COX18: variants seen among roughly 807,000 people sequenced by gnomAD.
COX18 encodes cytochrome c oxidase assembly protein COX18, mitochondrial.
A neutral mutation model predicts 38.0 loss-of-function variants in COX18; 45 were observed. That is an observed-to-expected ratio of 1.18 (90% CI 0.93 to 1.52). The LOEUF is 1.52. Ranked by LOEUF, COX18 falls within the 40% of genes most tolerant of loss-of-function variation. The pLI, the probability that COX18 is intolerant of heterozygous loss-of-function variation, is 0.00. For synonymous variants in COX18, 177 were observed against 169.8 expected (o/e 1.04, Z -0.33); for missense variants, 462 against 423.8 (o/e 1.09, Z -0.79).
chr4:73,058,983 T>C (rs1489504854), intron 5 of COX18, among the ~76,000 whole-genome samples: 1 of 152,080 alleles, frequency 6.6e-6, no homozygotes, highest in Non-Finnish European at 1.5e-5. Context: ...CAGTTCACAA[T>C]AGGGTTCGTG....
chr4:73,062,588 G>A (rs973220992), intron 4 of COX18, among the ~76,000 whole-genome samples: 10 of 152,304 alleles, frequency 6.6e-5, no homozygotes, highest in African/African-American at 2.2e-4. Flanking sequence ...CCCAGAACTG[G>A]GAGGCCCAGG....
chr4:73,061,827 C>T lies in COX18; in HGVS notation c.817G>A (p.Ala273Thr). Residue 273 changes from alanine to threonine, a missense_variant, in exon 5 of 6, where the codon GCA becomes ACA. Physicochemically the swap from Ala to Thr is moderately conservative, Grantham distance 58. Coordinates refer to ENST00000507544, the MANE Select transcript of COX18 (RefSeq NM_001297732.2). The part of the protein sequence containing the change: ...AMSVLMIPIA[A>T]TVPSSIVLYW... ...TGCTTACTCACTGAGGGTACCGTTG[C>T]AGCAATTGGTATCATCAACACCGAC... 1.2e-6 allele frequency: 2 copies of T among 1,607,550 alleles called. No homozygotes were observed. Among genetic ancestry groups the T allele is most frequent in the South Asian group, 2.2e-5 (2 of 90,888 alleles).
rs915182719 is a variant in COX18, at chr4:73,055,943, T to C, written c.*2171A>G. On this transcript the variant is annotated 3_prime_UTR_variant, in exon 6 of 6. Coordinates refer to ENST00000507544, the MANE Select transcript of COX18 (RefSeq NM_001297732.2). ...AAGAACCTAGTCTTAATTGCCACCATCTATGTCTAAAATAAATTCTCAGGG... is the reference window on the plus strand; with the variant it reads ...AAGAACCTAGTCTTAATTGCCACCACCTATGTCTAAAATAAATTCTCAGGG... 4 of 152,212 alleles carry C rather than the reference T, an allele frequency of 2.6e-5. No individual in the cohort carries two copies. The highest frequency in any genetic ancestry group is 9.6e-5 in the African/African-American group (4 of 41,454). 9.4% of individuals were successfully genotyped at this position (152,212 alleles called of 1,614,324 possible). A position where few individuals can be genotyped will look rare whatever the true frequency, so the allele number is the denominator to read the frequency against.
intron 2 of COX18, 93 bp from the exon 3 acceptor site, chr4:73,065,506 T>A: frequency 9.1e-7 from 1 of 1,097,444 alleles, no homozygotes; most frequent in Non-Finnish European, 1.3e-6. Context: ...CCTGCTGTAG[T>A]TATTAGCTAA....
intron 2 of COX18, among the ~76,000 whole-genome samples, chr4:73,067,629 G>A (rs754559277): frequency 6.6e-6 from 1 of 151,266 alleles, no homozygotes; most frequent in Non-Finnish European, 1.5e-5. Flanking sequence ...ATCACCTGAG[G>A]TCAGGATTCC....
At position 73,069,410 on chromosome 4, in the gene COX18, C is replaced by T; in HGVS notation, c.240G>A (p.Leu80=). Residue 80 remains leucine (L), a synonymous_variant, in exon 1 of 6, where the codon CTG becomes CTA. Coordinates refer to ENST00000507544, the MANE Select transcript of COX18 (RefSeq NM_001297732.2). The stretch of plus-strand genomic sequence containing the variant: ...AGAGCAGAATGCTGCCCCACCAGGG[C>T]AGGCCCGTGGCGGCGTGCACGCCGA... The part of the protein sequence containing the change: ...VLLGVHAATG[L]PWWGSILLST... 6.4e-7 allele frequency: 1 copy of T among 1,570,182 alleles called. No individual in the cohort carries two copies. The highest frequency in any genetic ancestry group is 1.2e-5 in the South Asian group (1 of 85,808).
chr4:73,061,097 A>C (rs963183057), intron 5 of COX18, among the ~76,000 whole-genome samples: 3 of 152,142 alleles, frequency 2.0e-5, no homozygotes, highest in African/African-American at 7.2e-5. Context: ...TATTTCTATA[A>C]AGATTAATTA....
At chr4:73,059,769 T>C (rs1334596709) in intron 5 of COX18, among the ~76,000 whole-genome samples, 2 of 152,192 alleles carry the variant, frequency 1.3e-5, no homozygotes, top group African/African-American at 4.8e-5. Flanking sequence ...ATATTGGCTA[T>C]CATCATTATC....
chr4:73,069,603 A>G lies in COX18; in HGVS notation c.47T>C (p.Leu16Pro), dbSNP rs200667988. Residue 16 changes from leucine (L) to proline (P), a missense_variant, in exon 1 of 6, where the codon CTG (leucine) becomes CCG (proline). Transcript: ENST00000507544. ...CGGCAGGTCCCTAGCCCAAAGCTGCAGGGCAGGGAGCGGCCGCAGCCACCG... is the reference window on the plus strand; with the variant it reads ...CGGCAGGTCCCTAGCCCAAAGCTGCGGGGCAGGGAGCGGCCGCAGCCACCG... ...GGRWLRPLPA[L>P]QLWARDLPLA... 7,264 of 1,555,910 alleles carry G rather than the reference A, an allele frequency of 4.7e-3. 22 individuals are homozygous for G. The highest frequency in any genetic ancestry group is 5.6e-3 in the Non-Finnish European group (6,494 of 1,153,480).
At chr4:73,064,006 T>C (rs754122140) in intron 4 of COX18, among the ~76,000 whole-genome samples, 16 of 151,908 alleles carry the variant, frequency 1.1e-4, no homozygotes, top group Non-Finnish European at 1.8e-4. Flanking sequence ...CTGAGAGGGC[T>C]GGGCACAGTG....
chr4:73,060,045 T>C (rs1221972460), intron 5 of COX18, among the ~76,000 whole-genome samples: 1 of 152,206 alleles, frequency 6.6e-6, no homozygotes, highest in Non-Finnish European at 1.5e-5. Context: ...GGCACCCTTT[T>C]CTATTCCTGC....
chr4:73,059,390 G>A (rs998454443), intron 5 of COX18, among the ~76,000 whole-genome samples: 1 of 152,166 alleles, frequency 6.6e-6, no homozygotes, highest in African/African-American at 2.4e-5. Context: ...TACCTCAGAG[G>A]ATTGCTGTGA....
Position 73,065,441 on chromosome 4 carries a change from G to A in COX18, c.435-28C>T. ...AGATTGAGGTTAGGGGGAAAAAAGG[G>A]GAAAGAGAAAATGTCATCTAAGAAT... On this transcript the variant is annotated intron_variant, in intron 2 of 5. Transcript: ENST00000507544. 6 of 1,579,232 alleles carry A rather than the reference G, an allele frequency of 3.8e-6. No homozygotes were observed. In the South Asian group the frequency reaches 6.8e-5, roughly 18 times the overall value.
At chr4:73,065,750 A>C (rs1720418480) in intron 2 of COX18, among the ~76,000 whole-genome samples, 1 of 152,244 alleles carries the variant, frequency 6.6e-6, no homozygotes, top group Non-Finnish European at 1.5e-5. Context: ...ATGGAAGCTA[A>C]AAGCAAACTT....
At chr4:73,065,547 G>C in intron 2 of COX18, 134 bp from the exon 3 acceptor site, 2 of 672,396 alleles carry the variant, frequency 3.0e-6, no homozygotes. Flanking sequence ...AGCTGTCACA[G>C]GCATGTTAAG....
At chr4:73,064,039 C>G (rs1577953165) in intron 4 of COX18, among the ~76,000 whole-genome samples, 2 of 152,238 alleles carry the variant, frequency 1.3e-5, no homozygotes, top group Admixed American at 1.3e-4. Flanking sequence ...AATCCCAGCA[C>G]TTTGGAAGGC....
At chr4:73,067,701 A>G (rs573072250) in intron 2 of COX18, among the ~76,000 whole-genome samples, 147 of 150,714 alleles carry the variant, frequency 9.8e-4, no homozygotes, top group African/African-American at 3.5e-3. Flanking sequence ...TTAGCCAGGC[A>G]TGGTGGTGCC....
At chr4:73,066,513 TTC>T in intron 2 of COX18, among the ~76,000 whole-genome samples, 1 of 152,184 alleles carries the variant, frequency 6.6e-6, no homozygotes, top group East Asian at 1.9e-4. Context: ...CACAGGGAGA[TTC>T]TGTCTTGTTC....
In COX18 at chr4:73,056,820, AAAT is replaced by A. The variant is rs1341889297; in HGVS notation, c.*1291_*1293del. The A allele has an allele frequency of 6.6e-6, 1 of 152,156 alleles. No individual in the cohort carries two copies. The highest frequency in any genetic ancestry group is 1.5e-5 in the Non-Finnish European group (1 of 68,046). The allele number at this position is 152,156 out of a possible 1,614,324, so 9.4% of individuals were successfully genotyped here. The stretch of plus-strand genomic sequence containing the variant: ...AGGTCTAAAATCCTCTCCACCTCCA[AAAT>A]AATAAGAAACATCTCAGCTGGGCAC... On this transcript the variant is annotated 3_prime_UTR_variant, in exon 6 of 6. Transcript: ENST00000507544.
Sources: allele counts gnomAD v4.1 joint callset (sites outside exome capture counted in the v4.1 genomes callset), GRCh38; gene constraint gnomAD v4.1.1; transcripts MANE v1.5; gene names NCBI Gene and HGNC (gene_info 2026-07-23, HGNC 2026-07-21).